Variants in RBFOX1 observed in about 807,000 individuals in gnomAD.
RBFOX1 encodes the protein RNA binding protein fox-1 homolog 1.
Under a neutral mutation model 57.7 loss-of-function variants are expected in RBFOX1, and 8 were observed. The ratio of observed to expected loss-of-function variants is 0.14; its 90% CI spans 0.08 to 0.25. The LOEUF (loss-of-function observed/expected upper bound fraction) is 0.25. Among genes scored for constraint, RBFOX1 ranks in the 10% least tolerant of loss-of-function variants. The probability of loss-of-function intolerance (pLI) is 1.00; values close to 1 mark genes in which losing one functional copy is unlikely to be tolerated. For synonymous variants in RBFOX1, 326 were observed against 222.4 expected, an observed-to-expected ratio of 1.47 and a Z score of -4.15; for missense variants, 611 against 548.5, an observed-to-expected ratio of 1.11 and a Z score of -1.14.
intron 3 of RBFOX1, among the ~76,000 whole-genome samples, chr16:6,658,997 C>T (rs1424464315): frequency 6.7e-6 from 1 of 150,044 alleles, no homozygotes; most frequent in Non-Finnish European, 1.5e-5. Flanking sequence ...GCAGATTTAG[C>T]AAAGGTGACG....
At chr16:7,610,118 C>CTTT (rs34468596) in intron 10 of RBFOX1, among the ~76,000 whole-genome samples, 2,137 of 65,460 alleles carry the variant, frequency 0.033, 280 homozygotes, top group African/African-American at 0.093. Context: ...GCCCGGCCCC[C>CTTT]TTTTTTTTTT....
chr16:7,398,195 C>G (rs1262586776), intron 4 of RBFOX1, among the ~76,000 whole-genome samples: 1 of 152,218 alleles, frequency 6.6e-6, no homozygotes, highest in East Asian at 1.9e-4. Flanking sequence ...GCCTCAGACG[C>G]TTATGCTTAA....
At chr16:7,378,703 C>T (rs1201495336) in intron 4 of RBFOX1, among the ~76,000 whole-genome samples, 7 of 152,238 alleles carry the variant, frequency 4.6e-5, no homozygotes. Context: ...TTCCTTTTTC[C>T]CTGCATCCGC....
intron 3 of RBFOX1, among the ~76,000 whole-genome samples, chr16:5,703,483 A>G (rs913759164): frequency 6.6e-6 from 1 of 152,166 alleles, no homozygotes; most frequent in Non-Finnish European, 1.5e-5. Context: ...CCAGAGTACA[A>G]ATATCACAGA....
rs530469898 is a variant in RBFOX1 at position 6,721,368 on chromosome 16, G to A, written c.-16+66718G>A. Among the ~76,000 whole-genome samples, 40 of 152,256 alleles carry A rather than the reference G, an allele frequency of 2.6e-4. 1 individual carries two copies. The highest frequency in any genetic ancestry group is 8.4e-4 in the African/African-American group (35 of 41,554). Reference sequence around the variant, plus strand: ...CAAGGCAAGGGAATCACTTGAACCCGGGAGGCGGAGGTTACAGTGAGCCGA... The same window carrying A: ...CAAGGCAAGGGAATCACTTGAACCCAGGAGGCGGAGGTTACAGTGAGCCGA... On this transcript the variant is annotated intron_variant, in intron 3 of 15. Coordinates refer to ENST00000550418, the MANE Select transcript of RBFOX1 (RefSeq NM_018723.4).
At chr16:5,956,676 A>ATTT (rs1416211761) in intron 4 of RBFOX1, among the ~76,000 whole-genome samples, 12 of 104,064 alleles carry the variant, frequency 1.2e-4, no homozygotes, top group African/African-American at 3.6e-4. Context: ...ATATATATAT[A>ATTT]TATTTTTTTT....
At chr16:5,652,332 A>C (rs2049268893) in intron 3 of RBFOX1, among the ~76,000 whole-genome samples, 1 of 152,220 alleles carries the variant, frequency 6.6e-6, no homozygotes, top group African/African-American at 2.4e-5. Flanking sequence ...ACTAAGGTTA[A>C]CTAATATGCC....
rs116146816 is a variant in RBFOX1, at chr16:5,668,639, A to C, written c.318+69678A>C. On this transcript the variant is annotated intron_variant, in intron 3 of 19. Transcript: ENST00000641259. ...GTAGGTGTGTTATGCATAACTCTTC[A>C]TTTTAACCAAACCAGCAGTTTCTTC... Among the ~76,000 whole-genome samples the C allele has an allele frequency of 5.2e-3, 796 of 152,290 alleles. 5 individuals carry two copies. The highest frequency in any genetic ancestry group is 0.018 in the African/African-American group (767 of 41,574).
intron 2 of RBFOX1, among the ~76,000 whole-genome samples, chr16:6,623,442 T>G (rs1337988032): frequency 2.9e-5 from 1 of 34,022 alleles, no homozygotes; most frequent in African/African-American, 5.0e-5. Context: ...AGGTGAAAAT[T>G]CTTTTTTTTT....
At chr16:7,406,440 T>G (rs1249709859) in intron 4 of RBFOX1, among the ~76,000 whole-genome samples, 2 of 152,144 alleles carry the variant, frequency 1.3e-5, no homozygotes, top group Non-Finnish European at 2.9e-5. Flanking sequence ...GTCCCTTCCT[T>G]TTACTGTGTC....
intron 3 of RBFOX1, among the ~76,000 whole-genome samples, chr16:6,951,524 A>T (rs1311660153): frequency 6.6e-6 from 1 of 152,006 alleles, no homozygotes; most frequent in African/African-American, 2.4e-5. Context: ...GCCTGGGAAG[A>T]CTCATAGAGT....
intron 2 of RBFOX1, among the ~76,000 whole-genome samples, chr16:5,580,121 C>G (rs2046613177): frequency 6.6e-6 from 1 of 152,122 alleles, no homozygotes; most frequent in African/African-American, 2.4e-5. Flanking sequence ...CTTGTAAGCC[C>G]CAAGAGGGCC....
chr16:7,435,298 G>C (rs1177075555), intron 4 of RBFOX1, among the ~76,000 whole-genome samples: 2 of 152,054 alleles, frequency 1.3e-5, no homozygotes, highest in African/African-American at 2.4e-5. Context: ...TGAGGAGTTT[G>C]TCTGATGGTG....
chr16:7,635,576 G>A (rs1361892674), intron 11 of RBFOX1, among the ~76,000 whole-genome samples: 1 of 152,062 alleles, frequency 6.6e-6, no homozygotes. Flanking sequence ...TGGTGGGGGC[G>A]GGGGACGGTG....
At chr16:6,847,368 C>A (rs772051930) in intron 3 of RBFOX1, among the ~76,000 whole-genome samples, 2 of 152,134 alleles carry the variant, frequency 1.3e-5, no homozygotes, top group Non-Finnish European at 2.9e-5. Context: ...GGTCTTCAAT[C>A]TGCCCTATGT....
chr16:6,265,175 T>C (rs2074318352), intron 1 of RBFOX1, among the ~76,000 whole-genome samples: 1 of 152,178 alleles, frequency 6.6e-6, no homozygotes, highest in South Asian at 2.1e-4. Flanking sequence ...AACATTATGC[T>C]CTTCGCACAC....
At chr16:5,256,429 A>C (rs1427047802) in intron 1 of RBFOX1, among the ~76,000 whole-genome samples, 1 of 152,184 alleles carries the variant, frequency 6.6e-6, no homozygotes, top group African/African-American at 2.4e-5. Flanking sequence ...TGTGTCTGCA[A>C]AGCCTCTGCC....
intron 4 of RBFOX1, among the ~76,000 whole-genome samples, chr16:7,053,332 T>G (rs2050757040): frequency 6.6e-6 from 1 of 152,236 alleles, no homozygotes; most frequent in Non-Finnish European, 1.5e-5. Flanking sequence ...ACATTCGTTG[T>G]GACCCTTTCC....
At chr16:6,827,271 A>G (rs1463461974) in intron 3 of RBFOX1, among the ~76,000 whole-genome samples, 1 of 152,060 alleles carries the variant, frequency 6.6e-6, no homozygotes, top group Admixed American at 6.5e-5. Context: ...ATGATCTGCA[A>G]AGGGTTGAAA....
Sources: allele counts gnomAD v4.1 joint callset (sites outside exome capture counted in the v4.1 genomes callset), GRCh38; gene constraint gnomAD v4.1.1; transcripts MANE v1.5; gene names NCBI Gene and HGNC (gene_info 2026-07-23, HGNC 2026-07-21).